DIO2: variants seen among roughly 807,000 people sequenced by gnomAD.
The protein encoded by DIO2 is type II iodothyronine deiodinase.
DIO2 carries 19 observed loss-of-function variants against 21.4 expected under a neutral mutation model. That is an observed-to-expected ratio of 0.89 (90% CI 0.62 to 1.30). The LOEUF is 1.30. Among genes scored for constraint, DIO2 ranks in the 50% most tolerant of loss-of-function variants. The pLI, the probability that DIO2 is intolerant of heterozygous loss-of-function variation, is 0.00. For missense variants in DIO2, 302 were observed against 338.1 expected (o/e 0.89, Z 0.84); for synonymous variants, 122 against 132.9 (o/e 0.92, Z 0.57).
chr14:80,220,447 C>T (rs1888444185), intron 2 of DIO2, among the ~76,000 whole-genome samples: 1 of 152,082 alleles, frequency 6.6e-6, no homozygotes, highest in Non-Finnish European at 1.5e-5. Flanking sequence ...ATAGCAACAA[C>T]CAATTAAATT....
At chr14:80,225,900 A>G (rs990765707) in intron 2 of DIO2, among the ~76,000 whole-genome samples, 7 of 152,152 alleles carry the variant, frequency 4.6e-5, no homozygotes, top group African/African-American at 1.7e-4. Context: ...GAGGAGCCCA[A>G]AGTGTCCAGG....
intron 2 of DIO2, chr14:80,230,799 G>A (rs933465876): frequency 7.9e-5 from 12 of 152,256 alleles, no homozygotes; most frequent in Middle Eastern, 3.4e-3. Context: ...TTAATATTAT[G>A]TTCCTCTAGA....
At chr14:80,223,001 A>C (rs1409319030) in intron 2 of DIO2, among the ~76,000 whole-genome samples, 1 of 151,948 alleles carries the variant, frequency 6.6e-6, no homozygotes, top group African/African-American at 2.4e-5. Context: ...AGCTAGGATT[A>C]CTGAAGCATA....
chr14:80,204,316 T>A (rs1331624215), intron 1 of DIO2, among the ~76,000 whole-genome samples: 1 of 152,210 alleles, frequency 6.6e-6, no homozygotes. Context: ...ATCTAGGAAG[T>A]CACATTAAAA....
intron 2 of DIO2, among the ~76,000 whole-genome samples, chr14:80,223,691 C>A (rs1888513042): frequency 6.6e-6 from 1 of 152,158 alleles, no homozygotes. Flanking sequence ...GTAATTTCTT[C>A]TCTGAGGGAA....
intron 2 of DIO2, among the ~76,000 whole-genome samples, chr14:80,222,565 T>G (rs1056621094): frequency 1.3e-5 from 2 of 152,222 alleles, no homozygotes; most frequent in African/African-American, 4.8e-5. Flanking sequence ...GAAATATAAG[T>G]AACTTGAAAA....
At position 80,202,555 on chromosome 14, in the gene DIO2, T is replaced by C; in HGVS notation, c.*134A>G. The C allele has an allele frequency of 4.3e-6, 4 of 935,056 alleles. No individual in the cohort carries two copies. The highest frequency in any genetic ancestry group is 6.3e-6 in the Non-Finnish European group (4 of 634,196). The allele number at this position is 935,056 out of a possible 1,614,324, so 57.9% of individuals were successfully genotyped here. On this transcript the variant is annotated 3_prime_UTR_variant, in exon 2 of 2. Transcript: ENST00000438257. ...GAAAGAAGTATGGAGCTGTTAGAGA[T>C]TCATGTTCTTCCGATAGATAAACTC...
rs1046476013 is a variant in DIO2, at chr14:80,199,090, G to A, written c.*3599C>T. On this transcript the variant is annotated 3_prime_UTR_variant, in exon 2 of 2. Transcript: ENST00000438257. ...CTTCTTGCTTCGCACATAGGCCATAGGGCATGCTGAGGACACCTTGTAATC... is the reference window on the plus strand; with the variant it reads ...CTTCTTGCTTCGCACATAGGCCATAAGGCATGCTGAGGACACCTTGTAATC... The A allele has an allele frequency of 6.6e-6, 1 of 152,226 alleles. No homozygotes were observed. The highest frequency in any genetic ancestry group is 6.5e-5 in the Admixed American group (1 of 15,276). The allele number at this position is 152,226 out of a possible 1,614,324, so 9.4% of individuals were successfully genotyped here.
At chr14:80,229,756 C>T (rs1888648498) in intron 2 of DIO2, among the ~76,000 whole-genome samples, 1 of 152,182 alleles carries the variant, frequency 6.6e-6, no homozygotes, top group African/African-American at 2.4e-5. Context: ...TGCAGAGTTC[C>T]TACTTAGTGG....
At chr14:80,212,487 A>T (rs577629729), upstream of DIO2, among the ~76,000 whole-genome samples, 59 of 152,284 alleles carry the variant, frequency 3.9e-4, no homozygotes, top group African/African-American at 1.3e-3. Flanking sequence ...TGATATGGCC[A>T]ACACTCTCTC....
chr14:80,217,807 C>A (rs768177008), intron 2 of DIO2, among the ~76,000 whole-genome samples: 1 of 152,114 alleles, frequency 6.6e-6, no homozygotes, highest in Non-Finnish European at 1.5e-5. Context: ...AAATCTAAGA[C>A]CTCAAACTCC....
intron 2 of DIO2, among the ~76,000 whole-genome samples, chr14:80,229,832 G>A (rs1888649898): frequency 1.3e-5 from 2 of 152,226 alleles, no homozygotes; most frequent in South Asian, 2.1e-4. Flanking sequence ...TACCATTAAT[G>A]TTCATTCCCA....
upstream of DIO2, chr14:80,211,736 T>A (rs1888210116): frequency 1.1e-5 from 1 of 92,982 alleles, no homozygotes; most frequent in East Asian, 2.4e-4. Context: ...GCTGCTGCCT[T>A]TTTTTTTTTT....
chr14:80,215,260 T>G (rs1888325264), upstream of DIO2, among the ~76,000 whole-genome samples: 1 of 152,180 alleles, frequency 6.6e-6, no homozygotes, highest in African/African-American at 2.4e-5. Context: ...GAAAAAACCT[T>G]TGCAAAATTG....
Position 80,211,366 on chromosome 14 carries a change from T to C in DIO2, c.107A>G (p.His36Arg). The change falls in exon 1 of 2, where the codon CAC becomes CGC. Residue 36 changes from histidine to arginine, a missense_variant. Physicochemically the swap from His to Arg is conservative, Grantham distance 29. Coordinates refer to ENST00000438257, the MANE Select transcript of DIO2 (RefSeq NM_013989.5). ...GGAGCGGCTCAACAGCAGCACCACGTGCTTGAGCAGAATGACCGAGTCATA... is the reference window on the plus strand; with the variant it reads ...GGAGCGGCTCAACAGCAGCACCACGCGCTTGAGCAGAATGACCGAGTCATA... ...ALYDSVILLK[H>R]VVLLLSRSKS... The C allele has an allele frequency of 6.2e-7, 1 of 1,613,712 alleles. No individual in the cohort carries two copies. The highest frequency in any genetic ancestry group is 8.5e-7 in the Non-Finnish European group (1 of 1,179,846).
chr14:80,203,006 C>G lies in DIO2; in HGVS notation c.505G>C (p.Gly169Arg), dbSNP rs759909930. 1 of 1,613,926 alleles carries G rather than the reference C, an allele frequency of 6.2e-7. No homozygotes were observed. Among genetic ancestry groups the G allele is most frequent in the Non-Finnish European group, 8.5e-7 (1 of 1,179,886 alleles). ...GAGGAGTCCCCCGGTATCGCCCAGC[C>G]ATCTGATGGATGAGCCTCATCAATG... Reference protein sequence around the residue: ...VYIDEAHPSDGWAIPGDSSLS... With the variant: ...VYIDEAHPSDRWAIPGDSSLS... Residue 169 changes from glycine (G) to arginine (R), a missense_variant, in exon 2 of 2, where the codon GGC becomes CGC. Gly to Arg is a moderately radical substitution (Grantham distance 125). Coordinates refer to ENST00000438257, the MANE Select transcript of DIO2 (RefSeq NM_013989.5).
chr14:80,220,220 G>A (rs905798269), intron 2 of DIO2, among the ~76,000 whole-genome samples: 3 of 152,022 alleles, frequency 2.0e-5, no homozygotes, highest in Non-Finnish European at 4.4e-5. Flanking sequence ...GACTACAGGC[G>A]CCCGCCACCA....
At chr14:80,220,229 C>G (rs961828376) in intron 2 of DIO2, among the ~76,000 whole-genome samples, 6 of 152,188 alleles carry the variant, frequency 3.9e-5, no homozygotes, top group African/African-American at 7.2e-5. Context: ...CGCCCGCCAC[C>G]ATGCAATCAT....
intron 1 of DIO2, among the ~76,000 whole-genome samples, chr14:80,206,688 C>T (rs552960531): frequency 3.9e-5 from 6 of 152,188 alleles, no homozygotes; most frequent in Non-Finnish European, 8.8e-5. Context: ...CAAGTTATCC[C>T]CTGGTACTCC....
Sources: gnomAD v4.1 joint callset for allele counts (sites outside exome capture counted in the v4.1 genomes callset) on GRCh38, gnomAD v4.1.1 for gene constraint, MANE v1.5 for transcripts, NCBI Gene and HGNC (gene_info 2026-07-23, HGNC 2026-07-21) for gene names.